Variants in KCNMA1 observed in about 807,000 individuals in gnomAD.
KCNMA1 encodes the protein Calcium-activated potassium channel subunit alpha-1.
Under a neutral mutation model 140.0 loss-of-function variants are expected in KCNMA1, and 29 were observed. That is an observed-to-expected ratio of 0.21 (90% CI 0.15 to 0.28). The LOEUF (loss-of-function observed/expected upper bound fraction) is 0.28. KCNMA1 is among the 10% of genes least tolerant of loss of function. KCNMA1 has a pLI of 1.00. For missense variants in KCNMA1, 880 were observed against 1,602.2 expected (o/e 0.55, Z 7.70); for synonymous variants, 612 against 611.9 (o/e 1.00, Z 0.00).
intron 1 of KCNMA1, among the ~76,000 whole-genome samples, chr10:77,532,231 G>A (rs902425824): frequency 1.3e-5 from 2 of 152,196 alleles, no homozygotes; most frequent in Admixed American, 6.5e-5. Flanking sequence ...CGTGTGTCAC[G>A]CAATATGCCA....
chr10:76,939,110 C>CTTTTTTTTTTT (rs71028244), intron 23 of KCNMA1: 1 of 66,702 alleles, frequency 1.5e-5, no homozygotes, highest in Non-Finnish European at 2.7e-5. Context: ...GCCACCTCTT[C>CTTTTTTTTTTT]TTTTTTTTTT....
Position 76,885,318 on chromosome 10 carries a change from T to C in KCNMA1, c.*1948A>G. Reference sequence around the variant, plus strand: ...AAATCAATATATAGAGGGACAAAAATAATTTGAAAAAATTCTTCCACTCAT... The same window carrying C: ...AAATCAATATATAGAGGGACAAAAACAATTTGAAAAAATTCTTCCACTCAT... On this transcript the variant is annotated 3_prime_UTR_variant, in exon 28 of 28. Coordinates refer to ENST00000286628, the MANE Select transcript of KCNMA1 (RefSeq NM_001161352.2). 1.1e-6 allele frequency: 1 copy of C among 951,452 alleles called. No homozygotes were observed. The highest frequency in any genetic ancestry group is 1.3e-6 in the Non-Finnish European group (1 of 799,952). 58.9% of individuals were successfully genotyped at this position (951,452 alleles called of 1,614,324 possible). A position where few individuals can be genotyped will look rare whatever the true frequency, so the allele number is the denominator to read the frequency against.
At chr10:77,129,092 T>C (rs2097798912) in intron 5 of KCNMA1, among the ~76,000 whole-genome samples, 2 of 152,370 alleles carry the variant, frequency 1.3e-5, no homozygotes, top group Admixed American at 6.5e-5. Flanking sequence ...AGAATTTTTA[T>C]AAATTCTGAT....
chr10:76,987,700 C>T (rs1005080861), intron 19 of KCNMA1, among the ~76,000 whole-genome samples: 14 of 152,138 alleles, frequency 9.2e-5, no homozygotes, highest in African/African-American at 3.1e-4. Context: ...GAAAAGGTTC[C>T]AGAAATGTGT....
At chr10:77,502,158 C>T (rs1603630247) in intron 1 of KCNMA1, among the ~76,000 whole-genome samples, 1 of 152,142 alleles carries the variant, frequency 6.6e-6, no homozygotes, top group African/African-American at 2.4e-5. Flanking sequence ...GCCATGAAAC[C>T]TAACAGCTGG....
intron 18 of KCNMA1, chr10:77,008,051 G>T: frequency 1.2e-6 from 1 of 868,940 alleles, no homozygotes; most frequent in Non-Finnish European, 1.8e-6. Flanking sequence ...GGGGCATGAT[G>T]TCACTGCTAC....
chr10:77,114,238 T>G (rs2097395910), intron 6 of KCNMA1, among the ~76,000 whole-genome samples: 1 of 152,162 alleles, frequency 6.6e-6, no homozygotes, highest in South Asian at 2.1e-4. Context: ...TATGACATTT[T>G]GAGGTCCCTA....
chr10:77,217,018 G>T (rs1462478447), intron 3 of KCNMA1, among the ~76,000 whole-genome samples: 1 of 152,082 alleles, frequency 6.6e-6, no homozygotes, highest in Non-Finnish European at 1.5e-5. Context: ...TGAATTTTTG[G>T]CCAGGTGCAA....
intron 2 of KCNMA1, among the ~76,000 whole-genome samples, chr10:77,293,194 G>C (rs569973945): frequency 6.6e-6 from 1 of 152,304 alleles, no homozygotes. Flanking sequence ...ACTTACAATT[G>C]ATTTCATTTA....
At chr10:77,084,411 T>A (rs1256390404) in intron 12 of KCNMA1, among the ~76,000 whole-genome samples, 8 of 152,200 alleles carry the variant, frequency 5.3e-5, no homozygotes, top group Admixed American at 4.6e-4. Flanking sequence ...GCCCTAGAGC[T>A]GCCACCTGCT....
At chr10:77,118,678 C>G (rs566631501) in intron 6 of KCNMA1, among the ~76,000 whole-genome samples, 28 of 152,248 alleles carry the variant, frequency 1.8e-4, no homozygotes, top group South Asian at 8.3e-4. Context: ...CTAAAAGTAA[C>G]CTTCTCCTCG....
At chr10:77,626,796 C>T (rs1484983497) in intron 1 of KCNMA1, among the ~76,000 whole-genome samples, 2 of 152,166 alleles carry the variant, frequency 1.3e-5, no homozygotes, top group Non-Finnish European at 1.5e-5. Context: ...ATTTTCCAAA[C>T]GTGAACTCAT....
At chr10:76,977,773 C>T (rs192582716) in intron 19 of KCNMA1, 2 of 613,538 alleles carry the variant, frequency 3.3e-6, no homozygotes, top group African/African-American at 1.8e-5. Flanking sequence ...ATTAGCCCTG[C>T]TGGTCCGCTC....
chr10:77,086,656 G>T, intron 10 of KCNMA1, 63 bp from the exon 11 acceptor site: 2 of 1,145,564 alleles, frequency 1.7e-6, no homozygotes, highest in Admixed American at 1.8e-5. Context: ...GCCTCCATGG[G>T]CTCCTTCCTC....
chr10:76,914,129 C>T (rs1237150326), intron 24 of KCNMA1: 2 of 1,550,022 alleles, frequency 1.3e-6, no homozygotes, highest in East Asian at 2.4e-5. Context: ...GGCAACTTGC[C>T]CGGTTTAGCT....
At chr10:77,065,686 T>A (rs948826887) in intron 14 of KCNMA1, among the ~76,000 whole-genome samples, 6 of 152,206 alleles carry the variant, frequency 3.9e-5, no homozygotes, top group Non-Finnish European at 5.9e-5. Flanking sequence ...ATTTGTAATG[T>A]ACTCTTTGTT....
At chr10:76,896,961 C>G (rs1488258300) in intron 25 of KCNMA1, among the ~76,000 whole-genome samples, 1 of 150,708 alleles carries the variant, frequency 6.6e-6, no homozygotes, top group East Asian at 2.0e-4. Context: ...ACTAAATTTG[C>G]ACTGGCCAAC....
At chr10:77,061,592 T>G (rs1004880192) in intron 14 of KCNMA1, among the ~76,000 whole-genome samples, 1 of 152,364 alleles carries the variant, frequency 6.6e-6, no homozygotes, top group Non-Finnish European at 1.5e-5. Flanking sequence ...TGGAAAACAC[T>G]TTGGCAGTTT....
intron 1 of KCNMA1, among the ~76,000 whole-genome samples, chr10:77,499,776 A>C (rs542768785): frequency 3.3e-5 from 5 of 152,342 alleles, no homozygotes; most frequent in Admixed American, 2.6e-4. Context: ...TCTGGCAATG[A>C]ACCCTAAGAT....
Sources: gnomAD v4.1 joint callset for allele counts (sites outside exome capture counted in the v4.1 genomes callset) on GRCh38, gnomAD v4.1.1 for gene constraint, MANE v1.5 for transcripts, NCBI Gene and HGNC (gene_info 2026-07-23, HGNC 2026-07-21) for gene names.